Variants in TENM2 observed in about 807,000 individuals in gnomAD.
TENM2 encodes teneurin transmembrane protein 2, also known as teneurin-2.
In TENM2, 52 loss-of-function variants were observed where a neutral mutation model predicts 245.2. The ratio of observed to expected loss-of-function variants is 0.21; its 90% CI spans 0.17 to 0.27. The LOEUF (loss-of-function observed/expected upper bound fraction) is 0.27, where lower values mean the gene tolerates loss of function less well. Ranked by LOEUF, TENM2 falls within the 10% of genes least tolerant of loss-of-function variation. TENM2 has a pLI of 1.00. For synonymous variants in TENM2, 1,363 were observed against 1,438.9 expected (o/e 0.95, Z 1.19); for missense variants, 3,046 against 3,666.8 (o/e 0.83, Z 4.37).
the TENM2 span, among the ~76,000 whole-genome samples, chr5:167,113,840 T>A: frequency 6.6e-6 from 1 of 152,202 alleles, no homozygotes; most frequent in East Asian, 1.9e-4. Context: ...TGTCTGATCC[T>A]TAGTCCTAGA....
intron 2 of TENM2, among the ~76,000 whole-genome samples, chr5:167,453,396 A>G (rs1458590295): frequency 6.6e-6 from 1 of 152,068 alleles, no homozygotes; most frequent in Non-Finnish European, 1.5e-5. Flanking sequence ...CCCAGTCACT[A>G]TTGTTTGAGT....
intron 2 of TENM2, among the ~76,000 whole-genome samples, chr5:167,516,157 C>T (rs919647117): frequency 1.3e-5 from 2 of 152,064 alleles, no homozygotes; most frequent in African/African-American, 4.8e-5. Flanking sequence ...CGAATATAAT[C>T]TATTTCTGTA....
At chr5:167,761,645 C>G (rs115552551) in intron 2 of TENM2, among the ~76,000 whole-genome samples, 1,719 of 152,276 alleles carry the variant, frequency 0.011, 28 homozygotes, top group African/African-American at 0.039. Flanking sequence ...AGAAAACCAT[C>G]AAGTAGCACT....
At chr5:167,179,004 G>C in the TENM2 span, among the ~76,000 whole-genome samples, 976 of 152,296 alleles carry the variant, frequency 6.4e-3, 16 homozygotes, top group African/African-American at 0.021. Flanking sequence ...ATGAGGTTAG[G>C]AGAGGTTCCG....
rs376503799 is a variant in TENM2 at position 167,998,407 on chromosome 5, C to T, written c.1186+5225C>T. Among the ~76,000 whole-genome samples, 24 of 152,262 alleles carry T rather than the reference C, an allele frequency of 1.6e-4. No homozygotes were observed. In the South Asian group the frequency reaches 3.1e-3, roughly 20 times the overall value. ...AGGCATCGAAGTTCTTGCAGGGCTA[C>T]CCCACATCAAGGAAGAAAGATGCTT... On this transcript the variant is annotated intron_variant, in intron 5 of 28. Coordinates refer to ENST00000518659, the Ensembl canonical transcript of TENM2.
intron 2 of TENM2, among the ~76,000 whole-genome samples, chr5:167,528,123 G>A (rs1771243184): frequency 6.6e-6 from 1 of 152,098 alleles, no homozygotes; most frequent in Admixed American, 6.6e-5. Flanking sequence ...TTATTAAAGT[G>A]TCCAGTGAAA....
At chr5:167,313,936 C>G (rs1240397881) in intron 1 of TENM2, among the ~76,000 whole-genome samples, 2 of 152,162 alleles carry the variant, frequency 1.3e-5, no homozygotes, top group African/African-American at 4.8e-5. Flanking sequence ...AATAAGTGTC[C>G]TTTCTCCTCC....
intron 15 of TENM2, among the ~76,000 whole-genome samples, chr5:168,195,636 A>C (rs929266120): frequency 1.4e-5 from 2 of 142,890 alleles, no homozygotes; most frequent in Admixed American, 7.1e-5. Flanking sequence ...GTTCTAGAAA[A>C]AGAAGGGAAG....
intron 2 of TENM2, among the ~76,000 whole-genome samples, chr5:167,388,739 C>T (rs533841106): frequency 1.1e-4 from 17 of 152,094 alleles, no homozygotes; most frequent in Non-Finnish European, 2.1e-4. Flanking sequence ...TACTTTCCAT[C>T]GCGATTTCAT....
intron 5 of TENM2, among the ~76,000 whole-genome samples, chr5:168,040,943 C>G (rs925593649): frequency 1.3e-5 from 2 of 152,162 alleles, no homozygotes; most frequent in Non-Finnish European, 2.9e-5. Flanking sequence ...AACTAGTTGC[C>G]AACCAAGGAC....
chr5:168,243,937 GTT>G (rs1170318631), intron 25 of TENM2, among the ~76,000 whole-genome samples: 2 of 125,510 alleles, frequency 1.6e-5, no homozygotes, highest in African/African-American at 2.9e-5. Context: ...CTTTTCTTTG[GTT>G]TTTTTTTTTT....
At chr5:167,478,696 G>A (rs6555751) in intron 2 of TENM2, among the ~76,000 whole-genome samples, 31,444 of 152,042 alleles carry the variant, frequency 0.21, 3,294 homozygotes, top group African/African-American at 0.24. Flanking sequence ...GAAAAGTTAT[G>A]TCTCACTACA....
the TENM2 span, among the ~76,000 whole-genome samples, chr5:167,146,139 G>A: frequency 6.6e-6 from 1 of 152,136 alleles, no homozygotes; most frequent in African/African-American, 2.4e-5. Context: ...TATCACCAAA[G>A]CTCTCTGCCA....
intron 2 of TENM2, among the ~76,000 whole-genome samples, chr5:167,718,312 G>A (rs901674911): frequency 6.6e-6 from 1 of 152,128 alleles, no homozygotes; most frequent in Admixed American, 6.5e-5. Context: ...AGGATGTGCT[G>A]GGCTTATTGT....
At chr5:168,223,848 C>T (rs1763898006) in intron 23 of TENM2, among the ~76,000 whole-genome samples, 1 of 152,060 alleles carries the variant, frequency 6.6e-6, no homozygotes, top group African/African-American at 2.4e-5. Flanking sequence ...AGCAAAACCA[C>T]CATTAACATT....
chr5:167,985,373 CG>C (rs1783164647), intron 4 of TENM2, among the ~76,000 whole-genome samples: 1 of 152,196 alleles, frequency 6.6e-6, no homozygotes. Flanking sequence ...TCAATTTTCT[CG>C]GTAGAACAAC....
intron 2 of TENM2, among the ~76,000 whole-genome samples, chr5:167,599,563 T>G (rs1174828483): frequency 6.6e-6 from 1 of 152,150 alleles, no homozygotes; most frequent in Admixed American, 6.5e-5. Flanking sequence ...TGGCAAAACT[T>G]AGAAACCTGT....
At chr5:167,831,977 A>T (rs917748703) in intron 2 of TENM2, among the ~76,000 whole-genome samples, 1 of 135,594 alleles carries the variant, frequency 7.4e-6, no homozygotes, top group Non-Finnish European at 1.5e-5. Flanking sequence ...TTGAGAGAGA[A>T]TGGACGAAAA....
chr5:167,504,262 G>T (rs1382121577), intron 2 of TENM2, among the ~76,000 whole-genome samples: 1 of 152,114 alleles, frequency 6.6e-6, no homozygotes, highest in Non-Finnish European at 1.5e-5. Context: ...GGACCCCCAT[G>T]CATGAAGATA....
Sources: gnomAD v4.1 joint callset for allele counts (sites outside exome capture counted in the v4.1 genomes callset) on GRCh38, gnomAD v4.1.1 for gene constraint, MANE v1.5 for transcripts, NCBI Gene and HGNC (gene_info 2026-07-23, HGNC 2026-07-21) for gene names.